The following CGGBP1 variants were observed in gnomAD, a reference collection of about 807,000 sequenced individuals.
CGGBP1 encodes CGG triplet repeat binding protein 1, also known as CGG triplet repeat-binding protein 1.
A neutral mutation model predicts 11.4 loss-of-function variants in CGGBP1; 4 were observed. The observed-to-expected ratio is 0.35, with a 90% CI of 0.17 to 0.80. CGGBP1 has a LOEUF of 0.80. CGGBP1 is among the 30% of genes least tolerant of loss of function. CGGBP1 has a pLI of 0.52. For synonymous variants in CGGBP1, 76 were observed against 74.1 expected (o/e 1.03, Z -0.13); for missense variants, 135 against 202.1 (o/e 0.67, Z 2.01).
At chr3:88,083,098 A>G (rs1181541528) in intron 2 of CGGBP1, among the ~76,000 whole-genome samples, 3 of 150,926 alleles carry the variant, frequency 2.0e-5, no homozygotes, top group East Asian at 2.0e-4. Context: ...CTCACCACCA[A>G]TCCTACTGGA....
At chr3:88,123,974 A>G (rs1158388971) in intron 2 of CGGBP1, among the ~76,000 whole-genome samples, 1 of 152,194 alleles carries the variant, frequency 6.6e-6, no homozygotes, top group Non-Finnish European at 1.5e-5. Context: ...GAATCATTAC[A>G]GTGTTCCATG....
At chr3:88,087,579 A>T (rs1708402645) in intron 2 of CGGBP1, among the ~76,000 whole-genome samples, 1 of 152,208 alleles carries the variant, frequency 6.6e-6, no homozygotes, top group Non-Finnish European at 1.5e-5. Flanking sequence ...CAGAAAGCAG[A>T]TAGAGGAATG....
chr3:88,092,599 A>G (rs1703809758), intron 2 of CGGBP1, among the ~76,000 whole-genome samples: 1 of 152,180 alleles, frequency 6.6e-6, no homozygotes, highest in Admixed American at 6.5e-5. Flanking sequence ...ACAGATTTCA[A>G]TATATTTATT....
chr3:88,141,179 A>G (rs1576360215), intron 1 of CGGBP1: 3 of 1,055,936 alleles, frequency 2.8e-6, no homozygotes, highest in South Asian at 3.5e-5. Flanking sequence ...TACTCCATAC[A>G]TTATTTCCTT....
chr3:88,146,860 A>G (rs1352161402), intron 1 of CGGBP1, among the ~76,000 whole-genome samples: 1 of 152,176 alleles, frequency 6.6e-6, no homozygotes, highest in Non-Finnish European at 1.5e-5. Context: ...ATAAATGGCA[A>G]CTAGTTGCCC....
At chr3:88,084,771 G>C (rs1288411512) in intron 2 of CGGBP1, among the ~76,000 whole-genome samples, 1 of 152,184 alleles carries the variant, frequency 6.6e-6, no homozygotes, top group Non-Finnish European at 1.5e-5. Context: ...GGCACAGCAA[G>C]CAGCGTGAGT....
At chr3:88,085,221 CTT>C (rs1559699214) in intron 2 of CGGBP1, among the ~76,000 whole-genome samples, 1 of 152,098 alleles carries the variant, frequency 6.6e-6, no homozygotes, top group Admixed American at 6.6e-5. Context: ...AGTCAGCAAA[CTT>C]TTTTCTGTAA....
upstream of CGGBP1, among the ~76,000 whole-genome samples, chr3:88,061,656 C>G (rs1488419615): frequency 6.6e-6 from 1 of 152,062 alleles, no homozygotes; most frequent in African/African-American, 2.4e-5. Flanking sequence ...TGAATTTTAT[C>G]TACTGAGAAA....
At chr3:88,138,896 T>C in intron 2 of CGGBP1, 1 of 1,233,476 alleles carries the variant, frequency 8.1e-7, no homozygotes, top group Non-Finnish European at 1.0e-6. Flanking sequence ...AAGCGTATCG[T>C]ACTGTTGAAG....
intron 2 of CGGBP1, among the ~76,000 whole-genome samples, chr3:88,080,804 G>A (rs1385511059): frequency 6.6e-6 from 1 of 152,210 alleles, no homozygotes; most frequent in African/African-American, 2.4e-5. Flanking sequence ...GAGGGAAAAG[G>A]TTGGAACAGA....
At chr3:88,110,672 AG>A (rs1705035340) in intron 2 of CGGBP1, among the ~76,000 whole-genome samples, 1 of 152,064 alleles carries the variant, frequency 6.6e-6, no homozygotes, top group African/African-American at 2.4e-5. Context: ...TGCACCCTAC[AG>A]AGTTTTCTTC....
At chr3:88,124,542 A>G (rs1242827267) in intron 2 of CGGBP1, among the ~76,000 whole-genome samples, 2 of 152,228 alleles carry the variant, frequency 1.3e-5, no homozygotes, top group African/African-American at 4.8e-5. Flanking sequence ...TCACTTTATA[A>G]TCTCAGCAAA....
chr3:88,088,467 G>T (rs184337149), intron 2 of CGGBP1, among the ~76,000 whole-genome samples: 9 of 152,102 alleles, frequency 5.9e-5, no homozygotes, highest in Admixed American at 1.3e-4. Context: ...TCAGTATCAC[G>T]CTGTGTGAAA....
chr3:88,133,789 T>G (rs1273436402), intron 2 of CGGBP1, among the ~76,000 whole-genome samples: 4 of 152,034 alleles, frequency 2.6e-5, no homozygotes, highest in African/African-American at 9.7e-5. Context: ...GAAATACATG[T>G]GTAAAATTAA....
At chr3:88,097,421 A>G (rs536497793) in intron 2 of CGGBP1, among the ~76,000 whole-genome samples, 1 of 152,084 alleles carries the variant, frequency 6.6e-6, no homozygotes, top group African/African-American at 2.4e-5. Flanking sequence ...TAGACAGATC[A>G]ATGAGACAGA....
chr3:88,059,310 C>T (rs530597561), upstream of CGGBP1: 17 of 1,532,852 alleles, frequency 1.1e-5, no homozygotes, highest in South Asian at 1.2e-4. Context: ...CGCTGGGCGG[C>T]GAGAGCCTCA....
upstream of CGGBP1, among the ~76,000 whole-genome samples, chr3:88,061,795 A>G (rs1706900382): frequency 6.6e-6 from 1 of 152,204 alleles, no homozygotes; most frequent in Non-Finnish European, 1.5e-5. Flanking sequence ...TATTAAGTAT[A>G]ATAATTTGTT....
chr3:88,085,575 A>G (rs780497410), intron 2 of CGGBP1, among the ~76,000 whole-genome samples: 6 of 152,332 alleles, frequency 3.9e-5, no homozygotes, highest in Non-Finnish European at 7.3e-5. Context: ...CATTCTTGCA[A>G]CATAGCAATT....
intron 2 of CGGBP1, among the ~76,000 whole-genome samples, chr3:88,087,169 C>G (rs1708380086): frequency 1.3e-5 from 2 of 152,114 alleles, no homozygotes; most frequent in Non-Finnish European, 2.9e-5. Flanking sequence ...ACCTCTACCT[C>G]CCAGGTTCAA....
Sources: allele counts gnomAD v4.1 joint callset (sites outside exome capture counted in the v4.1 genomes callset), GRCh38; gene constraint gnomAD v4.1.1; transcripts MANE v1.5; gene names NCBI Gene and HGNC (gene_info 2026-07-23, HGNC 2026-07-21).